Variants in CDH4 observed in about 807,000 individuals in gnomAD.
CDH4 encodes the protein cadherin-4.
Under a neutral mutation model 86.0 loss-of-function variants are expected in CDH4, and 33 were observed. That is an observed-to-expected ratio of 0.38 (90% CI 0.29 to 0.51). The LOEUF is 0.51. Ranked by LOEUF, CDH4 falls within the 20% of genes least tolerant of loss-of-function variation. The probability of loss-of-function intolerance (pLI) is 0.86; values close to 1 mark genes in which losing one functional copy is unlikely to be tolerated. For missense variants in CDH4, 1,114 were observed against 1,307.4 expected, an observed-to-expected ratio of 0.85 and a Z score of 2.28; for synonymous variants, 555 against 549.4, an observed-to-expected ratio of 1.01 and a Z score of -0.14.
intron 2 of CDH4, among the ~76,000 whole-genome samples, chr20:61,606,118 G>A (rs1355881839): frequency 6.6e-6 from 1 of 152,206 alleles, no homozygotes; most frequent in Non-Finnish European, 1.5e-5. Context: ...AGAGTCCTGA[G>A]GCCGGGCTGA....
chr20:61,263,299 G>A (rs1015341554), intron 2 of CDH4, among the ~76,000 whole-genome samples: 16 of 152,106 alleles, frequency 1.1e-4, no homozygotes, highest in African/African-American at 3.9e-4. Context: ...GGTGGCCTCC[G>A]GTATTGTCTC....
intron 4 of CDH4, among the ~76,000 whole-genome samples, chr20:61,820,224 C>T (rs1253696162): frequency 6.6e-6 from 1 of 152,106 alleles, no homozygotes; most frequent in African/African-American, 2.4e-5. Context: ...CTGGCTGCTG[C>T]CTGGCATGAG....
chr20:61,383,799 A>ATATATGAAGATATATATGCG (rs1555844353), intron 2 of CDH4, among the ~76,000 whole-genome samples: 8 of 42,732 alleles, frequency 1.9e-4, no homozygotes, highest in Non-Finnish European at 3.1e-4. Context: ...ATATATATGC[A>ATATATGAAGATATATATGCG]TATATATGAA....
At chr20:61,394,480 A>G (rs187324167) in intron 2 of CDH4, among the ~76,000 whole-genome samples, 5 of 152,228 alleles carry the variant, frequency 3.3e-5, no homozygotes, top group African/African-American at 1.2e-4. Context: ...CCACTTTGAT[A>G]GAGACATAGA....
chr20:61,720,583 G>A (rs139786869), intron 2 of CDH4, among the ~76,000 whole-genome samples: 1 of 149,466 alleles, frequency 6.7e-6, no homozygotes, highest in Admixed American at 6.7e-5. Context: ...GGGGTACAGA[G>A]TAGGGGTGTA....
Position 61,316,995 on chromosome 20 carries a change from G to C in CDH4, c.169+62058G>C, listed in dbSNP as rs547993177. Among the ~76,000 whole-genome samples the C allele has an allele frequency of 2.0e-5, 3 of 151,116 alleles. No homozygotes were observed. The East Asian group carries it at 5.8e-4, about 29-fold the overall frequency. On this transcript the variant is annotated intron_variant, in intron 2 of 15. Transcript: ENST00000614565. The stretch of plus-strand genomic sequence containing the variant: ...GCCTTGCAGTGGAGTGATAAGTCTT[G>C]CACGTAACCTGCTATTTCTTTTTTT...
intron 5 of CDH4, among the ~76,000 whole-genome samples, chr20:61,849,684 C>T (rs777248139): frequency 1.3e-5 from 2 of 152,190 alleles, no homozygotes; most frequent in East Asian, 1.9e-4. Context: ...GCCACAGCCA[C>T]CCCCTGAAGG....
chr20:61,809,875 C>T (rs757830505), intron 4 of CDH4, among the ~76,000 whole-genome samples: 24 of 152,098 alleles, frequency 1.6e-4, no homozygotes, highest in Non-Finnish European at 3.4e-4. Context: ...GGGTGGGGGT[C>T]ACTGCAGGCC....
intron 2 of CDH4, among the ~76,000 whole-genome samples, chr20:61,373,264 A>G (rs879744922): frequency 4.0e-5 from 6 of 151,524 alleles, no homozygotes; most frequent in Non-Finnish European, 8.8e-5. Context: ...AGCACTAGGC[A>G]GCTCCTCTCG....
chr20:61,800,410 C>T (rs1979769036), intron 4 of CDH4, among the ~76,000 whole-genome samples: 1 of 152,240 alleles, frequency 6.6e-6, no homozygotes, highest in South Asian at 2.1e-4. Flanking sequence ...GACCCAGCTT[C>T]AGGGCCACTG....
chr20:61,614,026 G>A (rs1396191322), intron 2 of CDH4, among the ~76,000 whole-genome samples: 2 of 152,156 alleles, frequency 1.3e-5, no homozygotes, highest in African/African-American at 4.8e-5. Flanking sequence ...TGTATGAGAG[G>A]AGAGGTGGCA....
At chr20:61,253,292 G>A (rs2084075902) in intron 1 of CDH4, among the ~76,000 whole-genome samples, 1 of 151,044 alleles carries the variant, frequency 6.6e-6, no homozygotes, top group East Asian at 2.0e-4. Context: ...CCCCGGGAGG[G>A]CGAGCGGGTC....
At chr20:61,936,287 CTGCCCT>C in intron 15 of CDH4, among the ~76,000 whole-genome samples, 1 of 133,562 alleles carries the variant, frequency 7.5e-6, no homozygotes, top group Admixed American at 7.5e-5. Flanking sequence ...CCACACCCCC[CTGCCCT>C]TCCCCTATAA....
chr20:61,936,790 G>A lies in CDH4; in HGVS notation c.2598G>A (p.Leu866=), dbSNP rs370622660. Residue 866 remains leucine (L), a synonymous_variant, in exon 16 of 16, where the codon CTG becomes CTA. Transcript: ENST00000614565. The part of the protein sequence containing the change: ...DPTAPPYDSL[L]VFDYEGSGST... ...CGGCACCCCCCTATGACTCCCTGCTGGTCTTCGACTACGAGGGGAGCGGCT... is the reference window on the plus strand; with the variant it reads ...CGGCACCCCCCTATGACTCCCTGCTAGTCTTCGACTACGAGGGGAGCGGCT... The A allele has an allele frequency of 6.8e-6, 11 of 1,610,348 alleles. No individual in the cohort carries two copies. Among genetic ancestry groups the A allele is most frequent in the Non-Finnish European group, 2.5e-6 (3 of 1,179,078 alleles).
intron 4 of CDH4, among the ~76,000 whole-genome samples, chr20:61,808,212 G>C (rs1980242792): frequency 6.6e-6 from 1 of 151,952 alleles, no homozygotes; most frequent in Non-Finnish European, 1.5e-5. Context: ...CCCAGCCCTG[G>C]GTTCAAAATC....
chr20:61,744,741 C>G (rs971486722), intron 3 of CDH4, among the ~76,000 whole-genome samples: 4 of 152,188 alleles, frequency 2.6e-5, no homozygotes, highest in Non-Finnish European at 5.9e-5. Context: ...TGTCCTGAGG[C>G]TCCCTTTCAT....
intron 2 of CDH4, among the ~76,000 whole-genome samples, chr20:61,274,630 C>A (rs1344869028): frequency 2.0e-5 from 2 of 100,860 alleles, no homozygotes; most frequent in Non-Finnish European, 4.3e-5. Flanking sequence ...TGGAGGAGTA[C>A]GGTGTGCAGT....
Position 61,934,084 on chromosome 20 carries a change from C to A in CDH4, c.2408C>A (p.Pro803Gln). 6.2e-7 allele frequency: 1 copy of A among 1,611,228 alleles called. No individual in the cohort carries two copies. The highest frequency in any genetic ancestry group is 8.5e-7 in the Non-Finnish European group (1 of 1,179,836). ...TACGACCTCAGCCAGCTGCAGCAGCCGGAAGCCATGGGGCACGTGCCAAGC... is the reference window on the plus strand; with the variant it reads ...TACGACCTCAGCCAGCTGCAGCAGCAGGAAGCCATGGGGCACGTGCCAAGC... ...QDYDLSQLQQ[P>Q]EAMGHVPSKA... is the part of the protein sequence containing the mutation. The change falls in exon 15 of 16, where the codon CCG becomes CAG. Residue 803 changes from proline (P) to glutamine (Q), a missense_variant. This residue lies in a region of CDH4 where 188 missense variants were observed against 183.8 expected (regional missense o/e 1.02). Coordinates refer to ENST00000614565, the MANE Select transcript of CDH4 (RefSeq NM_001794.5).
At chr20:61,548,735 T>C (rs35986625) in intron 2 of CDH4, among the ~76,000 whole-genome samples, 20,612 of 152,132 alleles carry the variant, frequency 0.14, 1,756 homozygotes, top group African/African-American at 0.25. Context: ...TGGAAGGTTT[T>C]AAAGAACAGT....
Sources: gnomAD v4.1 joint callset for allele counts (sites outside exome capture counted in the v4.1 genomes callset) on GRCh38, gnomAD v4.1.1 for gene constraint, gnomAD v4.1.1 regional missense constraint, MANE v1.5 for transcripts, NCBI Gene and HGNC (gene_info 2026-07-23, HGNC 2026-07-21) for gene names.